Variants in SVIL observed in about 807,000 individuals in gnomAD.
SVIL encodes archvillin.
SVIL carries 101 observed loss-of-function variants against 240.4 expected under a neutral mutation model. That is an observed-to-expected ratio of 0.42 (90% CI 0.36 to 0.50). The LOEUF is 0.50. Among genes scored for constraint, SVIL ranks in the 20% least tolerant of loss-of-function variants. The pLI is 0.01. For synonymous variants in SVIL, 999 were observed against 1,100.0 expected (o/e 0.91, Z 1.82); for missense variants, 2,512 against 2,818.7 (o/e 0.89, Z 2.46).
At chr10:29,650,129 A>G (rs530787057) in intron 3 of SVIL, among the ~76,000 whole-genome samples, 4 of 152,340 alleles carry the variant, frequency 2.6e-5, no homozygotes, top group Admixed American at 2.6e-4. Context: ...TTATGGCAGC[A>G]CGAAGTGGAC....
intron 17 of SVIL, among the ~76,000 whole-genome samples, chr10:29,501,064 TC>T (rs1220611265): frequency 1.3e-5 from 2 of 152,084 alleles, no homozygotes; most frequent in Non-Finnish European, 2.9e-5. Flanking sequence ...AATCTGTCTT[TC>T]ACAGGATTCT....
chr10:29,697,582 G>T (rs1489414542), intron 1 of SVIL, among the ~76,000 whole-genome samples: 1 of 120,328 alleles, frequency 8.3e-6, no homozygotes, highest in Non-Finnish European at 1.7e-5. Context: ...TAAGGGCGGT[G>T]CAAGATGTGC....
intron 13 of SVIL, among the ~76,000 whole-genome samples, chr10:29,524,923 G>A (rs918946132): frequency 1.8e-4 from 28 of 151,980 alleles, no homozygotes; most frequent in Non-Finnish European, 2.9e-5. Flanking sequence ...TCTACAAAGA[G>A]CAGACTTTGA....
At chr10:29,638,865 C>A (rs950907563), upstream of SVIL, among the ~76,000 whole-genome samples, 1 of 152,140 alleles carries the variant, frequency 6.6e-6, no homozygotes, top group African/African-American at 2.4e-5. Context: ...TCATCTACTG[C>A]CCCAGATTAT....
At chr10:29,673,252 A>G (rs1461010932) in intron 2 of SVIL, among the ~76,000 whole-genome samples, 1 of 152,220 alleles carries the variant, frequency 6.6e-6, no homozygotes, top group Non-Finnish European at 1.5e-5. Flanking sequence ...AAAGAAATAA[A>G]TCTACACTAG....
At chr10:29,487,383 A>G (rs1947509285) in intron 23 of SVIL, 84 bp from the exon 24 acceptor site, 2 of 1,447,466 alleles carry the variant, frequency 1.4e-6, no homozygotes, top group South Asian at 2.6e-5. Flanking sequence ...CCTGCTGCGG[A>G]CGCTTTCACT....
intron 1 of SVIL, among the ~76,000 whole-genome samples, chr10:29,704,022 C>T (rs58108922): frequency 0.08 from 12,128 of 152,172 alleles, 728 homozygotes; most frequent in African/African-American, 0.16. Flanking sequence ...AGGCTGATCT[C>T]GAATTCCGGG....
At chr10:29,533,895 T>C (rs1460121929) in intron 7 of SVIL, among the ~76,000 whole-genome samples, 1 of 152,206 alleles carries the variant, frequency 6.6e-6, no homozygotes, top group African/African-American at 2.4e-5. Flanking sequence ...CAGACACCTA[T>C]TGACCAAACG....
chr10:29,696,511 G>A (rs908649629), intron 1 of SVIL, among the ~76,000 whole-genome samples: 4 of 146,468 alleles, frequency 2.7e-5, no homozygotes, highest in Non-Finnish European at 6.1e-5. Context: ...AGTGAGGAGC[G>A]CCTCGTCCCG....
intron 1 of SVIL, among the ~76,000 whole-genome samples, chr10:29,696,234 G>A (rs1961979943): frequency 6.6e-6 from 1 of 151,914 alleles, no homozygotes; most frequent in African/African-American, 2.4e-5. Flanking sequence ...GATTGCAGAC[G>A]GAGTCTCATT....
intron 1 of SVIL, among the ~76,000 whole-genome samples, chr10:29,730,713 G>A (rs12264622): frequency 0.023 from 3,429 of 152,278 alleles, 78 homozygotes; most frequent in East Asian, 0.062. Context: ...TGAAGCAACA[G>A]CAGTTTCCAG....
chr10:29,532,708 G>A lies in SVIL; in HGVS notation c.1659C>T (p.Gly553=), dbSNP rs1288192539. ...ACTTCAAGGCCTGGAGCTGAGGGGG[G>A]CCTGTGAAATCTGACAGAGAGCGGG... ...VRTRSLSDFT[G]PPQLQALKYK... The change falls in exon 8 of 38, where the codon GGC becomes GGT. Residue 553 remains glycine, a synonymous_variant. Coordinates refer to ENST00000355867, the MANE Select transcript of SVIL (RefSeq NM_021738.3). 2.5e-6 allele frequency: 4 copies of A among 1,614,072 alleles called. No individual in the cohort carries two copies. The highest frequency in any genetic ancestry group is 3.4e-6 in the Non-Finnish European group (4 of 1,180,034).
At chr10:29,571,002 G>T (rs756410084) in intron 1 of SVIL, among the ~76,000 whole-genome samples, 68 of 152,168 alleles carry the variant, frequency 4.5e-4, no homozygotes, top group Admixed American at 8.5e-4. Context: ...CTCCCAAATA[G>T]CTGGAAAACC....
chr10:29,522,533 G>A lies in SVIL; in HGVS notation c.3266C>T (p.Ser1089Leu), dbSNP rs773822876. The A allele has an allele frequency of 1.1e-5, 17 of 1,614,026 alleles. No homozygotes were observed. Among genetic ancestry groups the A allele is most frequent in the East Asian group, 2.2e-5 (1 of 44,898 alleles). The change falls in exon 16 of 38, where the codon TCG (serine) becomes TTG (leucine). Residue 1089 changes from serine to leucine, a missense_variant. Coordinates refer to ENST00000355867, the MANE Select transcript of SVIL (RefSeq NM_021738.3). ...GCAGAGCTTCTCCTGTGGCTGTTCC[G>A]AAGAATCCTGGGGCTTCCAGGACAC... ...APVSWKPQDS[S>L]EQPQEKLCKN...
chr10:29,699,034 TCCACAGGCTGGA>T (rs1374024288), intron 1 of SVIL, among the ~76,000 whole-genome samples: 2 of 152,204 alleles, frequency 1.3e-5, no homozygotes, highest in Non-Finnish European at 1.5e-5. Context: ...GAACAACTGG[TCCACAGGCTGGA>T]TCTAACTCGG....
chr10:29,622,838 C>A (rs541272241), intron 1 of SVIL, among the ~76,000 whole-genome samples: 1 of 152,224 alleles, frequency 6.6e-6, no homozygotes, highest in African/African-American at 2.4e-5. Flanking sequence ...TCCATGCAAA[C>A]CGCTCCCTAA....
chr10:29,703,985 G>A (rs1962711335), intron 1 of SVIL, among the ~76,000 whole-genome samples: 1 of 152,102 alleles, frequency 6.6e-6, no homozygotes, highest in African/African-American at 2.4e-5. Context: ...ATTTTTTGTA[G>A]AGATGGGGTC....
At chr10:29,627,205 T>C (rs1242686540) in intron 1 of SVIL, among the ~76,000 whole-genome samples, 1 of 136,422 alleles carries the variant, frequency 7.3e-6, no homozygotes, top group African/African-American at 2.5e-5. Flanking sequence ...TTCTAATTTG[T>C]TCCTGCTCTC....
At chr10:29,490,319 A>G (rs547020032) in intron 22 of SVIL, among the ~76,000 whole-genome samples, 1 of 152,372 alleles carries the variant, frequency 6.6e-6, no homozygotes, top group Non-Finnish European at 1.5e-5. Context: ...CTCTTTTACT[A>G]TAAGAGATCA....
Sources: allele counts gnomAD v4.1 joint callset (sites outside exome capture counted in the v4.1 genomes callset), GRCh38; gene constraint gnomAD v4.1.1; transcripts MANE v1.5; gene names NCBI Gene and HGNC (gene_info 2026-07-23, HGNC 2026-07-21).